The following MAGI2 variants were observed in gnomAD, a reference collection of about 807,000 sequenced individuals.
The protein encoded by MAGI2 is membrane-associated guanylate kinase, WW and PDZ domain-containing protein 2.
A neutral mutation model predicts 133.3 loss-of-function variants in MAGI2; 35 were observed. The ratio of observed to expected loss-of-function variants is 0.26; its 90% CI spans 0.20 to 0.35. MAGI2 has a LOEUF of 0.35. MAGI2 is among the 10% of genes least tolerant of loss of function. The pLI is 1.00. For missense variants in MAGI2, 1,636 were observed against 1,863.4 expected (o/e 0.88, Z 2.25); for synonymous variants, 729 against 710.6 (o/e 1.03, Z -0.41).
At chr7:78,649,044 G>A (rs866582944) in intron 2 of MAGI2, among the ~76,000 whole-genome samples, 2 of 151,700 alleles carry the variant, frequency 1.3e-5, no homozygotes, top group Admixed American at 6.6e-5. Flanking sequence ...CACCAATGTG[G>A]TGATTAATTT....
chr7:78,543,688 G>T (rs1391091320), intron 3 of MAGI2, among the ~76,000 whole-genome samples: 1 of 152,134 alleles, frequency 6.6e-6, no homozygotes, highest in African/African-American at 2.4e-5. Context: ...ACAATGATGA[G>T]AACTTTTAAA....
chr7:78,753,928 A>ATCCT (rs1823698982), intron 2 of MAGI2, among the ~76,000 whole-genome samples: 1 of 152,292 alleles, frequency 6.6e-6, no homozygotes, highest in East Asian at 1.9e-4. Context: ...TAGTAAAAGT[A>ATCCT]TCCTTCAAGA....
intron 3 of MAGI2, among the ~76,000 whole-genome samples, chr7:78,541,261 G>T (rs1276074610): frequency 6.6e-6 from 1 of 152,080 alleles, no homozygotes; most frequent in East Asian, 1.9e-4. Context: ...CTTTTAAAAA[G>T]TCTTAATAGA....
intron 1 of MAGI2, among the ~76,000 whole-genome samples, chr7:79,057,956 A>G (rs1464347289): frequency 8.0e-6 from 1 of 124,940 alleles, no homozygotes; most frequent in Non-Finnish European, 1.6e-5. Flanking sequence ...AAGGGGCTCT[A>G]TTAGTTTTTT....
At position 79,275,996 on chromosome 7, in the gene MAGI2, A is replaced by G. The variant is rs139162493; in HGVS notation, c.301+177024T>C. On this transcript the variant is annotated intron_variant, in intron 1 of 21. Transcript: ENST00000354212. Reference sequence around the variant, plus strand: ...CACCCAAAAGCTCTGATGGAGATCTATAAGGAGATTAATGTTGTTTTCATG... The same window carrying G: ...CACCCAAAAGCTCTGATGGAGATCTGTAAGGAGATTAATGTTGTTTTCATG... Among the ~76,000 whole-genome samples, 90 of 152,324 alleles carry G rather than the reference A, an allele frequency of 5.9e-4. 2 individuals are homozygous for G. The highest frequency in any genetic ancestry group is 2.0e-3 in the African/African-American group (82 of 41,586).
intron 1 of MAGI2, among the ~76,000 whole-genome samples, chr7:79,115,857 T>TTTTTTG (rs1554366608): frequency 5.3e-5 from 1 of 18,838 alleles, no homozygotes; most frequent in Non-Finnish European, 6.9e-4. Context: ...TTTTAAAGTT[T>TTTTTTG]TTTTTTTTTT....
intron 6 of MAGI2, among the ~76,000 whole-genome samples, chr7:78,390,979 G>A (rs1233869733): frequency 6.6e-6 from 1 of 152,154 alleles, no homozygotes; most frequent in Non-Finnish European, 1.5e-5. Flanking sequence ...TGGAAGTGCT[G>A]AAATCCCTTG....
chr7:79,186,751 GTATATATATATA>G (rs67211187), intron 1 of MAGI2, among the ~76,000 whole-genome samples: 2 of 129,130 alleles, frequency 1.5e-5, no homozygotes, highest in African/African-American at 6.1e-5. Flanking sequence ...TTATACAAAA[GTATATATATATA>G]TATATATATA....
chr7:78,740,159 T>TA (rs1211881071), intron 2 of MAGI2, among the ~76,000 whole-genome samples: 8,655 of 138,446 alleles, frequency 0.063, 409 homozygotes, highest in African/African-American at 0.15. Context: ...AGACTCTGTC[T>TA]AAAAAAAAAA....
chr7:78,371,420 C>A (rs902140208), intron 6 of MAGI2, among the ~76,000 whole-genome samples: 12 of 151,780 alleles, frequency 7.9e-5, no homozygotes, highest in Non-Finnish European at 5.9e-5. Context: ...ATATATAAAA[C>A]AATCATGTTC....
chr7:79,119,351 C>T (rs988432063), intron 1 of MAGI2, among the ~76,000 whole-genome samples: 11 of 152,054 alleles, frequency 7.2e-5, no homozygotes, highest in South Asian at 2.1e-4. Flanking sequence ...AAACAATATA[C>T]GTGCAGAGCA....
chr7:78,082,088 T>C (rs1816035977), intron 20 of MAGI2, among the ~76,000 whole-genome samples: 1 of 152,170 alleles, frequency 6.6e-6, no homozygotes, highest in Admixed American at 6.5e-5. Context: ...TGTGGTTACT[T>C]GTGTCCTGAG....
chr7:78,439,993 C>T (rs562584042), intron 6 of MAGI2, among the ~76,000 whole-genome samples: 5 of 151,682 alleles, frequency 3.3e-5, no homozygotes, highest in African/African-American at 7.3e-5. Context: ...ATTAATTTAA[C>T]GTATTTTTAT....
At chr7:78,439,866 C>T (rs1378745675) in intron 6 of MAGI2, among the ~76,000 whole-genome samples, 3 of 152,132 alleles carry the variant, frequency 2.0e-5, no homozygotes, top group Non-Finnish European at 2.9e-5. Context: ...GTGTCATAAT[C>T]TCTGTGGCTG....
intron 20 of MAGI2, 101 bp from the exon 21 acceptor site, chr7:78,079,186 C>A: frequency 8.4e-7 from 1 of 1,186,748 alleles, no homozygotes; most frequent in South Asian, 1.3e-5. Context: ...CTGAGAGCAT[C>A]CGAACAATTT....
intron 1 of MAGI2, among the ~76,000 whole-genome samples, chr7:79,250,249 A>G (rs1242348304): frequency 6.6e-6 from 1 of 151,406 alleles, no homozygotes; most frequent in Middle Eastern, 3.2e-3. Flanking sequence ...AAGGATGCCC[A>G]TGTTCATCAC....
At chr7:79,367,878 T>TATATATATATA (rs1446885185) in intron 1 of MAGI2, among the ~76,000 whole-genome samples, 7 of 116,576 alleles carry the variant, frequency 6.0e-5, no homozygotes, top group African/African-American at 7.2e-5. Context: ...TATATATATG[T>TATATATATATA]CATTGACTGG....
chr7:78,506,331 C>CT (rs1462013751), intron 4 of MAGI2, among the ~76,000 whole-genome samples: 2 of 151,966 alleles, frequency 1.3e-5, no homozygotes, highest in African/African-American at 4.8e-5. Context: ...TTTGGGCACA[C>CT]TGAGTTAGAG....
intron 2 of MAGI2, among the ~76,000 whole-genome samples, chr7:78,932,667 A>G (rs1290680765): frequency 6.6e-6 from 1 of 152,110 alleles, no homozygotes; most frequent in Non-Finnish European, 1.5e-5. Flanking sequence ...GAAGGAAACT[A>G]TGAATGTTTA....
Sources: gnomAD v4.1 joint callset for allele counts (sites outside exome capture counted in the v4.1 genomes callset) on GRCh38, gnomAD v4.1.1 for gene constraint, MANE v1.5 for transcripts, NCBI Gene and HGNC (gene_info 2026-07-23, HGNC 2026-07-21) for gene names.